Variants in ODAD2 observed in about 807,000 individuals in gnomAD.
The protein encoded by ODAD2 is outer dynein arm-docking complex subunit 2.
In ODAD2, 89 loss-of-function variants were observed where a neutral mutation model predicts 106.8. The ratio of observed to expected loss-of-function variants is 0.83; its 90% CI spans 0.70 to 0.99. ODAD2 has a LOEUF of 0.99. Ranked by LOEUF, ODAD2 falls within the 50% of genes least tolerant of loss-of-function variation. The pLI is 0.00. For missense variants in ODAD2, 1,168 were observed against 1,238.5 expected, an observed-to-expected ratio of 0.94 and a Z score of 0.85; for synonymous variants, 404 against 436.2, an observed-to-expected ratio of 0.93 and a Z score of 0.92.
chr10:27,892,776 A>G (rs929230894), intron 17 of ODAD2, among the ~76,000 whole-genome samples: 7 of 152,234 alleles, frequency 4.6e-5, no homozygotes, highest in Non-Finnish European at 7.3e-5. Flanking sequence ...CCTGTAATTC[A>G]TTACTGAAGT....
intron 9 of ODAD2, among the ~76,000 whole-genome samples, chr10:27,962,919 A>G (rs200509517): frequency 1.3e-5 from 2 of 152,064 alleles, no homozygotes; most frequent in African/African-American, 4.8e-5. Context: ...CTCATCTCAC[A>G]GGACAGAAGC....
At chr10:27,871,368 C>T (rs1198837380) in intron 17 of ODAD2, among the ~76,000 whole-genome samples, 2 of 152,188 alleles carry the variant, frequency 1.3e-5, no homozygotes, top group African/African-American at 4.8e-5. Context: ...AATTAGATCC[C>T]ATTTGTCAAT....
intron 9 of ODAD2, among the ~76,000 whole-genome samples, chr10:27,967,993 C>A (rs1848592384): frequency 6.6e-6 from 1 of 150,874 alleles, no homozygotes; most frequent in Non-Finnish European, 1.5e-5. Context: ...TGGGGAAGAT[C>A]TCATCTTAAA....
chr10:27,983,934 A>T lies in ODAD2; in HGVS notation c.728T>A (p.Ile243Asn). Residue 243 changes from isoleucine (I) to asparagine (N), a missense_variant, in exon 6 of 20, where the codon ATT (isoleucine) becomes AAT (asparagine). This residue lies in a region of ODAD2 where 430 missense variants were observed against 452.2 expected (regional missense o/e 0.95). Coordinates refer to ENST00000305242, the MANE Select transcript of ODAD2 (RefSeq NM_018076.5). ...NGCRAPPWRQIRGEICYVLVK... is the reference protein window; with the variant it reads ...NGCRAPPWRQNRGEICYVLVK... ...CAGCACATAACAAATTTCCCCACGA[A>T]TTTGTCTCCACGGTGGGGCTCGACA... 6.2e-7 allele frequency: 1 copy of T among 1,607,930 alleles called. No homozygotes were observed. The highest frequency in any genetic ancestry group is 8.5e-7 in the Non-Finnish European group (1 of 1,178,730).
At chr10:27,889,975 G>A (rs1177081427) in intron 17 of ODAD2, among the ~76,000 whole-genome samples, 1 of 152,178 alleles carries the variant, frequency 6.6e-6, no homozygotes, top group Non-Finnish European at 1.5e-5. Flanking sequence ...ATGGACTTGA[G>A]GGTATTTGAA....
chr10:27,862,675 A>T, intron 17 of ODAD2, 53 bp from the exon 18 acceptor site: 1 of 1,394,646 alleles, frequency 7.2e-7, no homozygotes, highest in Non-Finnish European at 9.7e-7. Flanking sequence ...ACATTTAGGC[A>T]TTTTTTAAGA....
chr10:27,914,898 T>C (rs1844254454), intron 16 of ODAD2, among the ~76,000 whole-genome samples: 1 of 151,996 alleles, frequency 6.6e-6, no homozygotes, highest in Non-Finnish European at 1.5e-5. Context: ...GAGAAAAGCC[T>C]GACCTTTTCT....
At chr10:27,894,730 T>TAAA (rs5784032) in intron 17 of ODAD2, among the ~76,000 whole-genome samples, 1 of 145,058 alleles carries the variant, frequency 6.9e-6, no homozygotes, top group Admixed American at 6.9e-5. Context: ...GCATGTGCAT[T>TAAA]AAAAAAAAAA....
chr10:27,948,779 ATTTTTTTTTT>A (rs11451204), intron 10 of ODAD2, among the ~76,000 whole-genome samples: 2 of 40,320 alleles, frequency 5.0e-5, no homozygotes, highest in Admixed American at 4.6e-4. Flanking sequence ...TGGCCTTTGG[ATTTTTTTTTT>A]TTTTTTTTTT....
intron 12 of ODAD2, among the ~76,000 whole-genome samples, chr10:27,943,787 C>G (rs1170115261): frequency 1.0e-5 from 1 of 95,608 alleles, no homozygotes; most frequent in East Asian, 3.0e-4. Context: ...AGAAGTGAGG[C>G]TCTGTCTCAA....
At position 27,996,135 on chromosome 10, in the gene ODAD2, C is replaced by T. The variant is rs183298064; in HGVS notation, c.-38-955G>A. On this transcript the variant is annotated intron_variant, in intron 1 of 19. Transcript: ENST00000305242. ...CTGACTTCATAATGAACATTTAATGCTTTTTTGGCAGATAATCTATACTTG... is the reference window on the plus strand; with the variant it reads ...CTGACTTCATAATGAACATTTAATGTTTTTTTGGCAGATAATCTATACTTG... 2.1e-3 allele frequency among the ~76,000 whole-genome samples: 322 copies of T among 152,254 alleles called. 2 individuals carry two copies. The highest frequency in any genetic ancestry group is 7.4e-3 in the African/African-American group (309 of 41,562).
chr10:27,926,302 G>A (rs1011630733), intron 16 of ODAD2, among the ~76,000 whole-genome samples: 1 of 151,478 alleles, frequency 6.6e-6, no homozygotes, highest in African/African-American at 2.4e-5. Context: ...CAACCAATAA[G>A]AGAATTCTGT....
intron 19 of ODAD2, among the ~76,000 whole-genome samples, chr10:27,858,621 C>T (rs909155211): frequency 2.1e-5 from 3 of 143,810 alleles, no homozygotes; most frequent in African/African-American, 7.7e-5. Context: ...TAAAGTTTCT[C>T]TTTACAGAAA....
intron 10 of ODAD2, among the ~76,000 whole-genome samples, chr10:27,946,826 A>C (rs1846966334): frequency 2.6e-5 from 4 of 152,174 alleles, no homozygotes; most frequent in Admixed American, 2.6e-4. Flanking sequence ...AAGAAACCGA[A>C]ATAGGATTGA....
chr10:27,921,436 T>A (rs1164595775), intron 16 of ODAD2, among the ~76,000 whole-genome samples: 1 of 152,108 alleles, frequency 6.6e-6, no homozygotes, highest in African/African-American at 2.4e-5. Flanking sequence ...ACTTTTAGTA[T>A]GTTTTGAATC....
intron 19 of ODAD2, among the ~76,000 whole-genome samples, chr10:27,820,592 T>C (rs931288248): frequency 5.9e-5 from 9 of 152,040 alleles, no homozygotes; most frequent in Admixed American, 3.9e-4. Flanking sequence ...TATGACTCTA[T>C]TCTATAAATT....
chr10:27,946,625 T>C (rs140638998), intron 10 of ODAD2, among the ~76,000 whole-genome samples: 2 of 152,286 alleles, frequency 1.3e-5, no homozygotes, highest in East Asian at 3.9e-4. Flanking sequence ...TTGAACTTAG[T>C]TGTACTATCT....
rs1246918730 is a variant in ODAD2, at chr10:27,936,607, C to A, written c.2252+119G>T. ...AATCCCTTCATTGGGCTAACTTCAT[C>A]CAGAATGTACATCTACAACTAACAT... On this transcript the variant is annotated intron_variant, in intron 15 of 19. Coordinates refer to ENST00000305242, the MANE Select transcript of ODAD2 (RefSeq NM_018076.5). 2.6e-6 allele frequency: 3 copies of A among 1,171,150 alleles called. No homozygotes were observed. The Admixed American group carries it at 6.2e-5, about 24-fold the overall frequency. The allele number at this position is 1,171,150 out of a possible 1,614,324, so 72.5% of individuals were successfully genotyped here.
At chr10:27,902,688 G>T (rs559285549) in intron 17 of ODAD2, among the ~76,000 whole-genome samples, 1 of 152,230 alleles carries the variant, frequency 6.6e-6, no homozygotes, top group Non-Finnish European at 1.5e-5. Flanking sequence ...AAATAAACTA[G>T]AAAATCGAGA....
Sources: gnomAD v4.1 joint callset for allele counts (sites outside exome capture counted in the v4.1 genomes callset) on GRCh38, gnomAD v4.1.1 for gene constraint, gnomAD v4.1.1 regional missense constraint, MANE v1.5 for transcripts, NCBI Gene and HGNC (gene_info 2026-07-23, HGNC 2026-07-21) for gene names.